The following ERC2 variants were observed in gnomAD, a reference collection of about 807,000 sequenced individuals.
ERC2 encodes ERC protein 2.
In ERC2, 42 loss-of-function variants were observed where a neutral mutation model predicts 114.8. The ratio of observed to expected loss-of-function variants is 0.37; its 90% CI spans 0.29 to 0.47. ERC2 has a LOEUF of 0.47. Among genes scored for constraint, ERC2 ranks in the 20% least tolerant of loss-of-function variants. The pLI is 0.99. For synonymous variants in ERC2, 454 were observed against 425.5 expected (o/e 1.07, Z -0.82); for missense variants, 939 against 1,150.7 (o/e 0.82, Z 2.66).
At chr3:55,522,170 G>C (rs577252017) in intron 17 of ERC2, among the ~76,000 whole-genome samples, 1 of 152,046 alleles carries the variant, frequency 6.6e-6, no homozygotes, top group East Asian at 1.9e-4. Context: ...GAGTTTCCCC[G>C]CAACAAAAGG....
At chr3:56,051,664 T>C (rs888367468) in intron 7 of ERC2, among the ~76,000 whole-genome samples, 2 of 151,798 alleles carry the variant, frequency 1.3e-5, no homozygotes, top group African/African-American at 4.8e-5. Flanking sequence ...CATCTCTACT[T>C]AAAATACAAA....
At chr3:56,289,900 T>A (rs911385916) in intron 3 of ERC2, among the ~76,000 whole-genome samples, 6 of 152,248 alleles carry the variant, frequency 3.9e-5, no homozygotes, top group Non-Finnish European at 5.9e-5. Flanking sequence ...AGTGTGTGAC[T>A]GGAGGCAATT....
intron 7 of ERC2, among the ~76,000 whole-genome samples, chr3:56,073,205 G>A (rs6764978): frequency 0.79 from 119,710 of 152,108 alleles, 48,192 homozygotes; most frequent in East Asian, 0.91. Context: ...GTTATACTAA[G>A]TAAAAACTTT....
intron 17 of ERC2, among the ~76,000 whole-genome samples, chr3:55,592,840 C>A (rs1412696892): frequency 1.3e-5 from 2 of 152,192 alleles, no homozygotes; most frequent in East Asian, 1.9e-4. Flanking sequence ...CACCTACCCA[C>A]CTTTGGTAGC....
chr3:55,772,875 C>T (rs1272994442), intron 14 of ERC2, among the ~76,000 whole-genome samples: 2 of 152,154 alleles, frequency 1.3e-5, no homozygotes, highest in African/African-American at 4.8e-5. Context: ...GCTCCCTGCC[C>T]CTGTACCCAC....
At chr3:55,558,241 T>C (rs947226184) in intron 17 of ERC2, among the ~76,000 whole-genome samples, 2 of 152,228 alleles carry the variant, frequency 1.3e-5, no homozygotes, top group Admixed American at 6.5e-5. Flanking sequence ...GGTAGAACAA[T>C]GTCTGGTTTT....
Position 55,688,057 on chromosome 3 carries a change from G to T in ERC2, c.2848-4198C>A, listed in dbSNP as rs79069865. 9.3e-3 allele frequency among the ~76,000 whole-genome samples: 1,411 copies of T among 152,156 alleles called. 24 individuals carry two copies. The highest frequency in any genetic ancestry group is 0.032 in the African/African-American group (1,324 of 41,502). On this transcript the variant is annotated intron_variant, in intron 16 of 17. Coordinates refer to ENST00000288221, the MANE Select transcript of ERC2 (RefSeq NM_015576.3). ...ATGAATGTCTCTGTTCAGGTGATGGGGTCAGGTATGGCTATAAACTCTTAC... is the reference window on the plus strand; with the variant it reads ...ATGAATGTCTCTGTTCAGGTGATGGTGTCAGGTATGGCTATAAACTCTTAC...
chr3:55,537,647 C>T (rs1287614080), intron 17 of ERC2, among the ~76,000 whole-genome samples: 1 of 152,194 alleles, frequency 6.6e-6, no homozygotes, highest in Non-Finnish European at 1.5e-5. Flanking sequence ...AGTACAAATG[C>T]AGCTTTCCAC....
intron 17 of ERC2, among the ~76,000 whole-genome samples, chr3:55,553,761 C>G (rs1195390133): frequency 6.6e-6 from 1 of 151,828 alleles, no homozygotes; most frequent in Non-Finnish European, 1.5e-5. Context: ...GCCTGGGTGA[C>G]AGAGTGAGAC....
At chr3:55,770,954 G>T (rs1047044782) in intron 14 of ERC2, among the ~76,000 whole-genome samples, 1 of 152,126 alleles carries the variant, frequency 6.6e-6, no homozygotes, top group Non-Finnish European at 1.5e-5. Context: ...CTTCATCCAT[G>T]CCCCTGCCAA....
chr3:56,090,504 C>T (rs1560156386), intron 6 of ERC2, among the ~76,000 whole-genome samples: 1 of 151,996 alleles, frequency 6.6e-6, no homozygotes, highest in Non-Finnish European at 1.5e-5. Flanking sequence ...GGAGGTAGAA[C>T]AAATAAGTAT....
chr3:56,333,009 A>C (rs2057695088), intron 2 of ERC2, among the ~76,000 whole-genome samples: 2 of 152,272 alleles, frequency 1.3e-5, no homozygotes, highest in South Asian at 2.1e-4. Flanking sequence ...TCTTAGGAGA[A>C]ATAAGTTAAA....
intron 14 of ERC2, among the ~76,000 whole-genome samples, chr3:55,836,527 G>A (rs9713291): frequency 0.36 from 53,976 of 151,950 alleles, 11,867 homozygotes; most frequent in African/African-American, 0.62. Context: ...TTAATAAATG[G>A]TGCTGGGAAA....
intron 14 of ERC2, among the ~76,000 whole-genome samples, chr3:55,759,853 G>A (rs1575512945): frequency 6.6e-6 from 1 of 152,308 alleles, no homozygotes; most frequent in East Asian, 1.9e-4. Context: ...TTACACACAT[G>A]AGTAATTAAA....
At chr3:55,549,860 G>T (rs1696259) in intron 17 of ERC2, among the ~76,000 whole-genome samples, 52,223 of 150,898 alleles carry the variant, frequency 0.35, 10,945 homozygotes, top group East Asian at 0.71. Context: ...AGCAACAGCA[G>T]CTGCTTCTGG....
At position 56,463,679 on chromosome 3, in the gene ERC2, T is replaced by C. The variant is rs1173847480; in HGVS notation, c.-141+4569A>G. Among the ~76,000 whole-genome samples, 3 of 152,262 alleles carry C rather than the reference T, an allele frequency of 2.0e-5. No individual in the cohort carries two copies. In the East Asian group the frequency reaches 5.8e-4, roughly 29 times the overall value. On this transcript the variant is annotated intron_variant, in intron 1 of 17. Transcript: ENST00000288221. ...ACTAGTGTTATAATTATTATTGTTG[T>C]TGTAATTCACCTTTCTTACTCTCTG...
At chr3:55,561,985 T>C (rs776570314) in intron 17 of ERC2, among the ~76,000 whole-genome samples, 12 of 152,104 alleles carry the variant, frequency 7.9e-5, no homozygotes, top group Non-Finnish European at 1.2e-4. Context: ...GCCACCTCAA[T>C]GTGAAAGGCA....
intron 3 of ERC2, among the ~76,000 whole-genome samples, chr3:56,255,430 A>G (rs996904411): frequency 6.6e-6 from 1 of 152,062 alleles, no homozygotes; most frequent in East Asian, 1.9e-4. Flanking sequence ...GCCACACCAC[A>G]CTGGGGCTTG....
intron 13 of ERC2, among the ~76,000 whole-genome samples, chr3:55,925,514 G>T (rs2065694894): frequency 6.6e-6 from 1 of 152,160 alleles, no homozygotes; most frequent in Admixed American, 6.5e-5. Context: ...GAGAACAGGG[G>T]TATGTTGGAG....
Sources: allele counts gnomAD v4.1 joint callset (sites outside exome capture counted in the v4.1 genomes callset), GRCh38; gene constraint gnomAD v4.1.1; transcripts MANE v1.5; gene names NCBI Gene and HGNC (gene_info 2026-07-23, HGNC 2026-07-21).